LHFPL6: variants seen among roughly 807,000 people sequenced by gnomAD.
LHFPL6 encodes LHFPL tetraspan subfamily member 6 protein.
LHFPL6 carries 9 observed loss-of-function variants against 20.6 expected under a neutral mutation model. The ratio of observed to expected loss-of-function variants is 0.44; its 90% CI spans 0.26 to 0.76. The LOEUF is 0.76. Among genes scored for constraint, LHFPL6 ranks in the 30% least tolerant of loss-of-function variants. LHFPL6 has a pLI of 0.20. For missense variants in LHFPL6, 218 were observed against 253.5 expected, an observed-to-expected ratio of 0.86 and a Z score of 0.95; for synonymous variants, 105 against 98.7, an observed-to-expected ratio of 1.06 and a Z score of -0.38.
intron 2 of LHFPL6, among the ~76,000 whole-genome samples, chr13:39,588,368 A>G (rs1872513880): frequency 6.6e-6 from 1 of 152,214 alleles, no homozygotes; most frequent in Non-Finnish European, 1.5e-5. Context: ...TGGATTTACA[A>G]CATACTTGAA....
At chr13:39,551,008 TC>T (rs1462285789) in intron 2 of LHFPL6, among the ~76,000 whole-genome samples, 21 of 152,138 alleles carry the variant, frequency 1.4e-4, no homozygotes, top group Non-Finnish European at 2.9e-4. Context: ...TCATTTGCTC[TC>T]TTTTATATGT....
chr13:39,564,123 T>C (rs372518474), intron 2 of LHFPL6, among the ~76,000 whole-genome samples: 10 of 37,638 alleles, frequency 2.7e-4, no homozygotes, highest in African/African-American at 1.2e-3. Context: ...CTGGAGCATT[T>C]TATTTTTGTT....
At chr13:39,498,312 TTAAAG>T (rs1277254509) in intron 2 of LHFPL6, among the ~76,000 whole-genome samples, 1 of 152,164 alleles carries the variant, frequency 6.6e-6, no homozygotes, top group Non-Finnish European at 1.5e-5. Context: ...ACCTTCTCCA[TTAAAG>T]TAAAGAGCAT....
At chr13:39,478,336 G>A (rs1873135374) in intron 2 of LHFPL6, among the ~76,000 whole-genome samples, 1 of 151,882 alleles carries the variant, frequency 6.6e-6, no homozygotes, top group Non-Finnish European at 1.5e-5. Flanking sequence ...GCTAAATACT[G>A]GAAATATAAT....
intron 2 of LHFPL6, among the ~76,000 whole-genome samples, chr13:39,415,290 G>A (rs1343425215): frequency 1.3e-5 from 2 of 152,076 alleles, no homozygotes; most frequent in Admixed American, 6.5e-5. Flanking sequence ...GAATCCCGTT[G>A]GATTTCTGAA....
At chr13:39,406,133 G>A (rs1189642099) in intron 2 of LHFPL6, among the ~76,000 whole-genome samples, 1 of 152,170 alleles carries the variant, frequency 6.6e-6, no homozygotes, top group African/African-American at 2.4e-5. Flanking sequence ...GAAAGTGGCT[G>A]ATAACTCTTT....
intron 2 of LHFPL6, among the ~76,000 whole-genome samples, chr13:39,389,792 T>C (rs1870657574): frequency 6.6e-6 from 1 of 152,306 alleles, no homozygotes; most frequent in Non-Finnish European, 1.5e-5. Flanking sequence ...AGTTTTGATA[T>C]ACTAATATCA....
intron 2 of LHFPL6, among the ~76,000 whole-genome samples, chr13:39,523,883 G>A (rs9576833): frequency 0.017 from 2,602 of 152,266 alleles, 66 homozygotes; most frequent in East Asian, 0.095. Flanking sequence ...GACGTTAAGA[G>A]CTAAAGAAAG....
intron 2 of LHFPL6, among the ~76,000 whole-genome samples, chr13:39,406,628 A>T (rs1871118129): frequency 6.6e-6 from 1 of 152,134 alleles, no homozygotes; most frequent in Non-Finnish European, 1.5e-5. Context: ...TTAAAATTTC[A>T]ACTTAAAAAC....
intron 1 of LHFPL6, among the ~76,000 whole-genome samples, chr13:39,601,592 C>T (rs1210954645): frequency 1.3e-5 from 2 of 152,084 alleles, no homozygotes; most frequent in Non-Finnish European, 2.9e-5. Flanking sequence ...CTTTATCTTC[C>T]GTAAATATTT....
At chr13:39,575,012 A>G (rs1225797329) in intron 2 of LHFPL6, among the ~76,000 whole-genome samples, 3 of 152,114 alleles carry the variant, frequency 2.0e-5, no homozygotes, top group African/African-American at 7.2e-5. Flanking sequence ...CAGAGGTTGC[A>G]GTGAGCCGAG....
intron 2 of LHFPL6, among the ~76,000 whole-genome samples, chr13:39,574,350 T>C (rs947528448): frequency 2.6e-5 from 4 of 151,912 alleles, no homozygotes; most frequent in African/African-American, 4.8e-5. Context: ...GATGTGGTGG[T>C]GGGCACCTGT....
At chr13:39,369,064 C>G (rs1390230243) in intron 3 of LHFPL6, among the ~76,000 whole-genome samples, 2 of 145,944 alleles carry the variant, frequency 1.4e-5, no homozygotes, top group Non-Finnish European at 3.0e-5. Context: ...AAGGCAAACT[C>G]AGGTACGTCT....
chr13:39,411,502 G>A (rs924558923), intron 2 of LHFPL6, among the ~76,000 whole-genome samples: 1 of 152,160 alleles, frequency 6.6e-6, no homozygotes, highest in South Asian at 2.1e-4. Flanking sequence ...TGATTCACAG[G>A]ACTTCGGTTG....
chr13:39,538,689 G>C (rs1229467011), intron 2 of LHFPL6, among the ~76,000 whole-genome samples: 1 of 151,760 alleles, frequency 6.6e-6, no homozygotes, highest in Non-Finnish European at 1.5e-5. Context: ...ATATTTTGGA[G>C]GCAATTGAAA....
At chr13:39,524,982 ATGC>A (rs1420606777) in intron 2 of LHFPL6, among the ~76,000 whole-genome samples, 1 of 152,234 alleles carries the variant, frequency 6.6e-6, no homozygotes, top group African/African-American at 2.4e-5. Flanking sequence ...CAACTTTGTC[ATGC>A]TGCTGATGAA....
Position 39,365,379 on chromosome 13 carries a change from G to A in LHFPL6, c.484+13049C>T, listed in dbSNP as rs564221633. On this transcript the variant is annotated intron_variant, in intron 3 of 3. Coordinates refer to ENST00000379589, the MANE Select transcript of LHFPL6 (RefSeq NM_005780.3). ...GGTTACATACCTAGAGAACCGGAAC[G>A]GAACTGCAGCAAGCACTGCTTTGAT... Among the ~76,000 whole-genome samples, 22 of 152,252 alleles carry A rather than the reference G, an allele frequency of 1.4e-4. No homozygotes were observed. The East Asian group carries it at 3.3e-3, about 23-fold the overall frequency.
chr13:39,534,780 T>G (rs971614339), intron 2 of LHFPL6, among the ~76,000 whole-genome samples: 3 of 152,196 alleles, frequency 2.0e-5, no homozygotes, highest in African/African-American at 7.2e-5. Context: ...ATCTATGCAT[T>G]ACCAATTTAC....
intron 2 of LHFPL6, among the ~76,000 whole-genome samples, chr13:39,423,812 G>A (rs1871559392): frequency 6.6e-6 from 1 of 152,166 alleles, no homozygotes; most frequent in Admixed American, 6.5e-5. Context: ...GGAGTTGTCT[G>A]GATGCTTTTA....
Sources: gnomAD v4.1 joint callset for allele counts (sites outside exome capture counted in the v4.1 genomes callset) on GRCh38, gnomAD v4.1.1 for gene constraint, MANE v1.5 for transcripts, NCBI Gene and HGNC (gene_info 2026-07-23, HGNC 2026-07-21) for gene names.